Variants in RPH3A observed in about 807,000 individuals in gnomAD.
RPH3A encodes rabphilin 3A.
RPH3A carries 48 observed loss-of-function variants against 102.2 expected under a neutral mutation model. The ratio of observed to expected loss-of-function variants is 0.47; its 90% CI spans 0.37 to 0.60. The LOEUF (loss-of-function observed/expected upper bound fraction) is 0.60. Among genes scored for constraint, RPH3A ranks in the 20% least tolerant of loss-of-function variants. RPH3A has a pLI of 0.00. For synonymous variants in RPH3A, 310 were observed against 324.3 expected, an observed-to-expected ratio of 0.96 and a Z score of 0.47; for missense variants, 781 against 910.1, an observed-to-expected ratio of 0.86 and a Z score of 1.83.
chr12:112,779,434 C>A (rs139843337), intron 1 of RPH3A, among the ~76,000 whole-genome samples: 2 of 152,246 alleles, frequency 1.3e-5, no homozygotes, highest in East Asian at 3.9e-4. Context: ...GCAGCTGGGG[C>A]CTTCAGTCAA....
chr12:112,787,086 C>T (rs2041056486), upstream of RPH3A, among the ~76,000 whole-genome samples: 1 of 152,170 alleles, frequency 6.6e-6, no homozygotes, highest in Non-Finnish European at 1.5e-5. Context: ...TCCATCCACA[C>T]CTTTCCTCTC....
At chr12:112,586,200 G>A (rs1339589979) in intron 1 of RPH3A, among the ~76,000 whole-genome samples, 2 of 152,172 alleles carry the variant, frequency 1.3e-5, no homozygotes, top group Non-Finnish European at 2.9e-5. Context: ...TATTAATAAA[G>A]CCACTATTTA....
chr12:112,753,806 T>C (rs2040802015), intron 1 of RPH3A, among the ~76,000 whole-genome samples: 1 of 152,248 alleles, frequency 6.6e-6, no homozygotes, highest in South Asian at 2.1e-4. Flanking sequence ...CCCTAATTTC[T>C]GGAACCTGTG....
intron 21 of RPH3A, 89 bp downstream of exon 21, chr12:112,895,962 A>C (rs2043172863): frequency 4.6e-6 from 4 of 863,742 alleles, no homozygotes; most frequent in Non-Finnish European, 7.5e-6. Flanking sequence ...AGTTGAGGTC[A>C]TTGCTATTCT....
At chr12:112,785,008 A>G (rs1195415776) in intron 1 of RPH3A, among the ~76,000 whole-genome samples, 1 of 152,144 alleles carries the variant, frequency 6.6e-6, no homozygotes, top group Non-Finnish European at 1.5e-5. Context: ...GGATCACCTG[A>G]GGTCGGGAGT....
chr12:112,630,499 AG>A (rs901999492), intron 1 of RPH3A, among the ~76,000 whole-genome samples: 1 of 152,158 alleles, frequency 6.6e-6, no homozygotes, highest in Non-Finnish European at 1.5e-5. Context: ...TCTTGAGACA[AG>A]GGGGCCAGGC....
At chr12:112,782,416 T>G (rs60012219) in intron 1 of RPH3A, among the ~76,000 whole-genome samples, 5,383 of 152,304 alleles carry the variant, frequency 0.035, 299 homozygotes, top group African/African-American at 0.12. Flanking sequence ...AAGAGGAGCT[T>G]CAATCTGGAC....
At chr12:112,716,357 C>T (rs1565858758) in intron 1 of RPH3A, among the ~76,000 whole-genome samples, 1 of 152,146 alleles carries the variant, frequency 6.6e-6, no homozygotes, top group South Asian at 2.1e-4. Context: ...TACTGAATGA[C>T]TGAATGAAGG....
At chr12:112,612,461 ATTGGG>A (rs1215864945) in intron 1 of RPH3A, among the ~76,000 whole-genome samples, 2 of 147,392 alleles carry the variant, frequency 1.4e-5, no homozygotes, top group African/African-American at 5.0e-5. Context: ...TTCACCTGTG[ATTGGG>A]GTTCTCTTTT....
chr12:112,713,051 CCTTCTT>C (rs397958107), intron 1 of RPH3A, among the ~76,000 whole-genome samples: 5,415 of 85,604 alleles, frequency 0.063, 202 homozygotes, highest in South Asian at 0.11. Flanking sequence ...TTCTTCTTCT[CCTTCTT>C]CTTCTTCTTC....
chr12:112,828,383 A>G lies in RPH3A; in HGVS notation c.65A>G (p.Gln22Arg), dbSNP rs1205141488. ...ATGTACCCCAGTGACCGGCCCCTTC[A>G]ATCAAAGTAAGTTGCTGCATCTTCC... ...RWMYPSDRPL[Q>R]SNDKEQLQAG... Residue 22 changes from glutamine (Q) to arginine (R), a missense_variant, in exon 3 of 22, where the codon CAA becomes CGA. Physicochemically the swap from Gln to Arg is conservative, Grantham distance 43 (BLOSUM62 1). Coordinates refer to ENST00000389385, the MANE Select transcript of RPH3A (RefSeq NM_001143854.2). 1 of 1,603,276 alleles carries G rather than the reference A, an allele frequency of 6.2e-7. No homozygotes were observed. The highest frequency in any genetic ancestry group is 1.3e-5 in the African/African-American group (1 of 74,164).
intron 1 of RPH3A, among the ~76,000 whole-genome samples, chr12:112,606,529 C>T (rs2039598142): frequency 6.6e-6 from 1 of 151,980 alleles, no homozygotes; most frequent in African/African-American, 2.4e-5. Flanking sequence ...TTACAGTGCC[C>T]GCCACTATGG....
At chr12:112,599,907 C>A (rs1339738004) in intron 1 of RPH3A, among the ~76,000 whole-genome samples, 2 of 152,186 alleles carry the variant, frequency 1.3e-5, no homozygotes, top group Admixed American at 6.5e-5. Flanking sequence ...CCAGTGACTT[C>A]AGATAAGTGG....
intron 1 of RPH3A, among the ~76,000 whole-genome samples, chr12:112,678,250 AAAGAAAGAAAGAAAG>A (rs2040196128): frequency 2.3e-5 from 1 of 44,408 alleles, no homozygotes; most frequent in African/African-American, 1.9e-4. Flanking sequence ...AGAAAGAAAG[AAAGAAAGAAAGAAAG>A]AAAGAAAGAA....
intron 14 of RPH3A, among the ~76,000 whole-genome samples, chr12:112,880,576 C>A (rs141897782): frequency 6.6e-6 from 1 of 152,210 alleles, no homozygotes; most frequent in Non-Finnish European, 1.5e-5. Context: ...GAGTTGCTGC[C>A]AGCCCCATTG....
chr12:112,577,837 C>T (rs1232823924), intron 1 of RPH3A, among the ~76,000 whole-genome samples: 1 of 152,054 alleles, frequency 6.6e-6, no homozygotes, highest in East Asian at 1.9e-4. Flanking sequence ...GCCACTGTGC[C>T]TGGCCTAGGC....
rs149620896 is a variant in RPH3A at position 112,716,143 on chromosome 12, G to T, written c.-139-76000G>T. ...ATCTTGGTTTTGGTAGGTTTTGGCCGCCTCCCTTACCGCGTGCAGTTTTAT... is the reference window on the plus strand; with the variant it reads ...ATCTTGGTTTTGGTAGGTTTTGGCCTCCTCCCTTACCGCGTGCAGTTTTAT... On this transcript the variant is annotated intron_variant, in intron 1 of 21. Coordinates refer to the RPH3A transcript ENST00000543106. 2.6e-5 allele frequency among the ~76,000 whole-genome samples: 4 copies of T among 152,230 alleles called. No homozygotes were observed. In the East Asian group the frequency reaches 7.7e-4, roughly 29 times the overall value.
At chr12:112,668,507 C>T (rs1238346067) in intron 1 of RPH3A, among the ~76,000 whole-genome samples, 1 of 152,102 alleles carries the variant, frequency 6.6e-6, no homozygotes, top group Non-Finnish European at 1.5e-5. Flanking sequence ...ATGTCCTTTG[C>T]AGGGACATGG....
chr12:112,787,144 A>G (rs4766653), upstream of RPH3A, among the ~76,000 whole-genome samples: 138,397 of 152,218 alleles, frequency 0.91, 63,015 homozygotes, highest in African/African-American at 0.97. Context: ...TTGTGATTAC[A>G]TTGGATTCAC....
Sources: allele counts gnomAD v4.1 joint callset (sites outside exome capture counted in the v4.1 genomes callset), GRCh38; gene constraint gnomAD v4.1.1; transcripts MANE v1.5; gene names NCBI Gene and HGNC (gene_info 2026-07-23, HGNC 2026-07-21).